Variants in DCC observed in about 807,000 individuals in gnomAD.
DCC encodes netrin receptor DCC.
A neutral mutation model predicts 172.5 loss-of-function variants in DCC; 58 were observed. The ratio of observed to expected loss-of-function variants is 0.34; its 90% confidence interval spans 0.27 to 0.42. DCC has a LOEUF of 0.42. Among genes scored for constraint, DCC ranks in the 10% least tolerant of loss-of-function variants. The probability of loss-of-function intolerance (pLI) is 1.00; values close to 1 mark genes in which losing one functional copy is unlikely to be tolerated. For missense variants in DCC, 1,740 were observed against 1,791.0 expected (o/e 0.97, Z 0.51); for synonymous variants, 709 against 644.5 (o/e 1.10, Z -1.52).
chr18:53,339,785 C>T lies in DCC; in HGVS notation c.2237C>T (p.Thr746Ile). 6.2e-7 allele frequency: 1 copy of T among 1,613,894 alleles called. No individual in the cohort carries two copies. The highest frequency in any genetic ancestry group is 8.5e-7 in the Non-Finnish European group (1 of 1,179,874). The change falls in exon 15 of 29, where the codon ACT (threonine) becomes ATT (isoleucine). Residue 746 changes from threonine (T) to isoleucine (I), a missense_variant. Physicochemically the swap from Thr to Ile is moderately conservative, Grantham distance 89 (BLOSUM62 -1). This residue lies in a region of DCC where 1,732 missense variants were observed against 1,767.4 expected (regional missense o/e 0.98). Transcript: ENST00000442544. ...PQTNCIIMSWTPPLNPNIVVR... is the reference protein window; with the variant it reads ...PQTNCIIMSWIPPLNPNIVVR... ...ACTAACTGCATCATCATGAGTTGGACTCCTCCCTTGAACCCAAACATCGTG... is the reference window on the plus strand; with the variant it reads ...ACTAACTGCATCATCATGAGTTGGATTCCTCCCTTGAACCCAAACATCGTG...
intron 18 of DCC, 137 bp from the exon 19 acceptor site, chr18:53,402,649 A>G (rs943168060): frequency 2.3e-5 from 17 of 744,440 alleles, no homozygotes; most frequent in Non-Finnish European, 3.9e-5. Flanking sequence ...AAATCCTTGA[A>G]ATAAACTGTA....
intron 1 of DCC, among the ~76,000 whole-genome samples, chr18:52,558,755 G>C (rs1287585566): frequency 6.6e-6 from 1 of 152,142 alleles, no homozygotes; most frequent in East Asian, 1.9e-4. Flanking sequence ...GAAAAACAAA[G>C]AGTGCATCTA....
At chr18:53,242,359 G>A (rs1165765082) in intron 12 of DCC, among the ~76,000 whole-genome samples, 1 of 152,106 alleles carries the variant, frequency 6.6e-6, no homozygotes, top group Non-Finnish European at 1.5e-5. Flanking sequence ...GTTCTAATTT[G>A]CATTTAGGAC....
intron 1 of DCC, among the ~76,000 whole-genome samples, chr18:52,509,901 G>A (rs1447149614): frequency 1.3e-5 from 2 of 151,870 alleles, no homozygotes; most frequent in African/African-American, 4.8e-5. Context: ...TCCGGAGTTC[G>A]AGACCAGCCT....
At chr18:52,766,530 G>T (rs543946921) in intron 2 of DCC, among the ~76,000 whole-genome samples, 1 of 152,062 alleles carries the variant, frequency 6.6e-6, no homozygotes, top group East Asian at 1.9e-4. Flanking sequence ...AGTGGCTCTC[G>T]GTGGGAAGAG....
Position 53,461,548 on chromosome 18 carries a change from C to G in DCC, c.3619+2090C>G, listed in dbSNP as rs1176862698. Among the ~76,000 whole-genome samples, 5 of 152,236 alleles carry G rather than the reference C, an allele frequency of 3.3e-5. No individual in the cohort carries two copies. The East Asian group carries it at 7.7e-4, about 24-fold the overall frequency. On this transcript the variant is annotated intron_variant, in intron 24 of 28. Coordinates refer to ENST00000442544, the MANE Select transcript of DCC (RefSeq NM_005215.4). ...ATTTATTAAATAGGGAATCCTTTCCCCATTGCTTGTTTTTCTCAGGTTTGT... is the reference window on the plus strand; with the variant it reads ...ATTTATTAAATAGGGAATCCTTTCCGCATTGCTTGTTTTTCTCAGGTTTGT...
chr18:53,264,439 G>A (rs2056644984), intron 12 of DCC, among the ~76,000 whole-genome samples: 1 of 140,854 alleles, frequency 7.1e-6, no homozygotes, highest in Non-Finnish European at 1.5e-5. Context: ...TTGCGCCACT[G>A]CACTCCACCC....
chr18:52,501,111 T>G (rs17828155), intron 1 of DCC, among the ~76,000 whole-genome samples: 1,555 of 152,296 alleles, frequency 0.01, 60 homozygotes, highest in Admixed American at 0.066. Flanking sequence ...AGAGCATCTT[T>G]ATTTGAAATC....
At chr18:52,764,512 G>A (rs1442076464) in intron 2 of DCC, among the ~76,000 whole-genome samples, 1 of 152,168 alleles carries the variant, frequency 6.6e-6, no homozygotes, top group Non-Finnish European at 1.5e-5. Context: ...TGCTTTATTA[G>A]TTCCCAGGAG....
intron 5 of DCC, among the ~76,000 whole-genome samples, chr18:53,055,420 G>A (rs1279918989): frequency 1.3e-5 from 2 of 152,030 alleles, no homozygotes. Context: ...CCTCATCATG[G>A]AAATAATCAC....
chr18:53,049,798 G>T (rs77115061), intron 5 of DCC, among the ~76,000 whole-genome samples: 3 of 151,988 alleles, frequency 2.0e-5, no homozygotes, highest in South Asian at 2.1e-4. Flanking sequence ...TACTAGTCAG[G>T]GTTCTCTAGA....
intron 2 of DCC, among the ~76,000 whole-genome samples, chr18:52,854,653 T>G (rs904922939): frequency 6.6e-6 from 1 of 152,258 alleles, no homozygotes; most frequent in African/African-American, 2.4e-5. Context: ...TATTCTTTTC[T>G]GTTTTTAACT....
At chr18:53,244,068 T>C (rs138446680) in intron 12 of DCC, among the ~76,000 whole-genome samples, 114 of 152,316 alleles carry the variant, frequency 7.5e-4, no homozygotes, top group Non-Finnish European at 1.5e-3. Context: ...TATCAGGCTA[T>C]TATACTGCAG....
intron 24 of DCC, among the ~76,000 whole-genome samples, chr18:53,460,049 G>A (rs1442960036): frequency 2.0e-5 from 2 of 101,216 alleles, no homozygotes; most frequent in African/African-American, 6.6e-5. Context: ...GTTATACAAA[G>A]GGATCTGAAA....
At chr18:52,412,735 A>G (rs1046592859) in intron 1 of DCC, among the ~76,000 whole-genome samples, 10 of 152,098 alleles carry the variant, frequency 6.6e-5, no homozygotes, top group African/African-American at 2.4e-4. Context: ...GCATCTCCAG[A>G]TTTCTGCTTC....
intron 1 of DCC, among the ~76,000 whole-genome samples, chr18:52,631,599 G>T (rs1200529303): frequency 1.3e-5 from 2 of 152,182 alleles, no homozygotes; most frequent in African/African-American, 2.4e-5. Context: ...GAATCGGAAG[G>T]CTTCCCTGGA....
intron 1 of DCC, among the ~76,000 whole-genome samples, chr18:52,615,395 C>T (rs756842729): frequency 6.6e-6 from 1 of 152,194 alleles, no homozygotes; most frequent in Non-Finnish European, 1.5e-5. Context: ...GCGGTGGGAA[C>T]AGCCCCTTTA....
chr18:53,068,679 T>C lies in DCC; in HGVS notation c.1261+2513T>C, dbSNP rs192433430. Among the ~76,000 whole-genome samples, 543 of 152,014 alleles carry C rather than the reference T, an allele frequency of 3.6e-3. 2 individuals are homozygous for C. Among genetic ancestry groups the C allele is most frequent in the Non-Finnish European group, 5.9e-3 (401 of 67,980 alleles). On this transcript the variant is annotated intron_variant, in intron 7 of 28. Transcript: ENST00000442544. ...CTGCTCACAGGGAGGGAGGATTCTT[T>C]GAAGTGCTAGAATTCATAGGATGAG...
intron 1 of DCC, among the ~76,000 whole-genome samples, chr18:52,536,760 A>T (rs1022993783): frequency 3.9e-5 from 6 of 152,164 alleles, no homozygotes; most frequent in Non-Finnish European, 7.3e-5. Flanking sequence ...TTAAATTTTA[A>T]TATTGAAATT....
Sources: allele counts gnomAD v4.1 joint callset (sites outside exome capture counted in the v4.1 genomes callset), GRCh38; gene constraint gnomAD v4.1.1; regional missense constraint gnomAD v4.1.1; transcripts MANE v1.5; gene names NCBI Gene and HGNC (gene_info 2026-07-23, HGNC 2026-07-21).